Variants in SLC7A4 observed in about 807,000 individuals in gnomAD.
The protein encoded by SLC7A4 is solute carrier family 7 member 4.
A neutral mutation model predicts 37.8 loss-of-function variants in SLC7A4; 30 were observed. That is an observed-to-expected ratio of 0.79 (90% confidence interval 0.59 to 1.08). SLC7A4 has a LOEUF of 1.08. SLC7A4 is among the 50% of genes least tolerant of loss of function. The pLI, the probability that SLC7A4 is intolerant of heterozygous loss-of-function variation, is 0.00. For missense variants in SLC7A4, 839 were observed against 843.2 expected (o/e 1.00, Z 0.06); for synonymous variants, 359 against 376.5 (o/e 0.95, Z 0.54).
Position 21,028,937 on chromosome 22 carries a change from C to T in SLC7A4, c.*118G>A. ...AAGGTCCTAAGGTCCTGAGGACTCCCCAGCCTGTGCAGGCCTGCAAACCCA... is the reference window on the plus strand; with the variant it reads ...AAGGTCCTAAGGTCCTGAGGACTCCTCAGCCTGTGCAGGCCTGCAAACCCA... On this transcript the variant is annotated 3_prime_UTR_variant, in exon 5 of 5. Coordinates refer to ENST00000382932, the MANE Select transcript of SLC7A4 (RefSeq NM_004173.3). 2 of 1,111,602 alleles carry T rather than the reference C, an allele frequency of 1.8e-6. No individual in the cohort carries two copies. The highest frequency in any genetic ancestry group is 1.6e-5 in the South Asian group (1 of 61,574). The allele number at this position is 1,111,602 out of a possible 1,614,324, so 68.9% of individuals were successfully genotyped here. A position where few individuals can be genotyped will look rare whatever the true frequency, so the allele number is the denominator to read the frequency against.
rs375743239 is a variant in SLC7A4 at position 21,029,214 on chromosome 22, G to A, written c.1749C>T (p.Phe583=). 3.7e-5 allele frequency: 60 copies of A among 1,613,664 alleles called. No homozygotes were observed. The highest frequency in any genetic ancestry group is 1.6e-4 in the Middle Eastern group (1 of 6,082). Residue 583 remains phenylalanine (F), a synonymous_variant, in exon 5 of 5, where the codon TTC becomes TTT. Transcript: ENST00000382932. ...IWLLMGLAVY[F]GYGIRHSKEN... is the part of the protein sequence containing the mutation. ...CCTTGCTATGCCGGATGCCATAGCC[G>A]AAATACACTGCAAGTCCTAGACAGG...
rs1250517529 is a variant in SLC7A4 at position 21,029,203 on chromosome 22, A to G, written c.1760T>C (p.Ile587Thr). The part of the protein sequence containing the change: ...MGLAVYFGYG[I>T]RHSKENQREL... ...CCGCTGGTTCTCCTTGCTATGCCGG[A>G]TGCCATAGCCGAAATACACTGCAAG... Residue 587 changes from isoleucine (I) to threonine (T), a missense_variant, in exon 5 of 5, where the codon ATC becomes ACC. Ile to Thr is a moderately conservative substitution (Grantham distance 89). Coordinates refer to ENST00000382932, the MANE Select transcript of SLC7A4 (RefSeq NM_004173.3). 1.2e-6 allele frequency: 2 copies of G among 1,613,782 alleles called. No homozygotes were observed. Among genetic ancestry groups the G allele is most frequent in the Admixed American group, 1.7e-5 (1 of 59,998 alleles).
rs774811520 is a variant in SLC7A4, at chr22:21,030,322, AGAG to A, written c.1009_1011del (p.Leu337del). The A allele has an allele frequency of 1.2e-6, 2 of 1,610,904 alleles. No homozygotes were observed. Among genetic ancestry groups the A allele is most frequent in the Non-Finnish European group, 1.7e-6 (2 of 1,178,130 alleles). ...GCATAGACAATGCGTGGCAGGGAGAAGAGGAGGCTGAGCAGGACGGTGTTCATG... is the reference window on the plus strand; with the variant it reads ...GCATAGACAATGCGTGGCAGGGAGAAGAGGCTGAGCAGGACGGTGTTCATG... On this transcript the variant is annotated inframe_deletion, in exon 3 of 5. Transcript: ENST00000382932.
chr22:21,030,759 T>C, intron 2 of SLC7A4, 72 bp downstream of exon 2: 1 of 1,480,602 alleles, frequency 6.8e-7, no homozygotes, highest in Non-Finnish European at 9.0e-7. Context: ...TGAAGGTGCA[T>C]TCCCCAAGAA....
Position 21,031,137 on chromosome 22 carries a change from C to T in SLC7A4, c.676G>A (p.Glu226Lys), listed in dbSNP as rs762786187. 1.3e-5 allele frequency: 21 copies of T among 1,613,382 alleles called. No homozygotes were observed. Among genetic ancestry groups the T allele is most frequent in the Non-Finnish European group, 1.8e-5 (21 of 1,179,728 alleles). ...LAQPHNWSADEGGFAPFGFSG... is the reference protein window; with the variant it reads ...LAQPHNWSADKGGFAPFGFSG... Reference sequence around the variant, plus strand: ...AAGCCGAAGGGTGCAAAGCCGCCTTCGTCAGCGCTCCAGTTGTGAGGCTGG... The same window carrying T: ...AAGCCGAAGGGTGCAAAGCCGCCTTTGTCAGCGCTCCAGTTGTGAGGCTGG... The change falls in exon 2 of 5, where the codon GAA becomes AAA. Residue 226 changes from glutamate to lysine, a missense_variant. Transcript: ENST00000382932.
At chr22:21,032,331 A>T (rs890325710) in intron 1 of SLC7A4, among the ~76,000 whole-genome samples, 200 bp downstream of exon 1, 5 of 152,000 alleles carry the variant, frequency 3.3e-5, no homozygotes, top group Non-Finnish European at 7.4e-5. Context: ...CCGCCCCTGC[A>T]CCCGTGGCCA....
rs752432614 is a variant in SLC7A4, at chr22:21,029,199, C to A, written c.1764G>T (p.Arg588=). 2 of 1,613,886 alleles carry A rather than the reference C, an allele frequency of 1.2e-6. No homozygotes were observed. Among genetic ancestry groups the A allele is most frequent in the Non-Finnish European group, 1.7e-6 (2 of 1,179,972 alleles). The change falls in exon 5 of 5, where the codon CGG becomes CGT. Residue 588 remains arginine (R), a synonymous_variant. Transcript: ENST00000382932. ...GCTCCCGCTGGTTCTCCTTGCTATG[C>A]CGGATGCCATAGCCGAAATACACTG... ...GLAVYFGYGI[R]HSKENQRELP... is the part of the protein sequence containing the mutation.
In SLC7A4 at chr22:21,030,829, A is replaced by G. The variant is rs1284471069; in HGVS notation, c.982+2T>C. 22 of 1,568,140 alleles carry G rather than the reference A, an allele frequency of 1.4e-5. No individual in the cohort carries two copies. The highest frequency in any genetic ancestry group is 1.6e-5 in the Non-Finnish European group (19 of 1,157,580). ...CCACCCTGCCCAGGAAGAGTCTCTC[A>G]CCGCAGATGGAGCCAGCTGCCACGA... On this transcript the variant is annotated splice_donor_variant, in intron 2 of 4. Coordinates refer to ENST00000382932, the MANE Select transcript of SLC7A4 (RefSeq NM_004173.3). LOFTEE classifies it high-confidence loss of function.
In SLC7A4 at chr22:21,031,389, C is replaced by T. The variant is rs372692590; in HGVS notation, c.424G>A (p.Asp142Asn). The change falls in exon 2 of 5, where the codon GAC (aspartate) becomes AAC (asparagine). Residue 142 changes from aspartate (D) to asparagine (N), a missense_variant. Asp to Asn is a conservative substitution (Grantham distance 23). Transcript: ENST00000382932. ...CGGATGCTGTGGCTGAACATAGAGT[C>T]CAGGTAGCCACTCCAGGCACGGGCC... ...AVARAWSGYL[D>N]SMFSHSIRNF... The T allele has an allele frequency of 1.2e-6, 2 of 1,609,932 alleles. No homozygotes were observed. The highest frequency in any genetic ancestry group is 1.7e-6 in the Non-Finnish European group (2 of 1,178,590).
Position 21,030,040 on chromosome 22 carries a change from T to A in SLC7A4, c.1294A>T (p.Thr432Ser), listed in dbSNP as rs907094114. The part of the protein sequence containing the change: ...SPGPASPGPL[T>S]KQQSSFSDHL... ...TCTGAGAAGGAGCTCTGCTGCTTGG[T>A]CAGGGGGCCAGGGCTGGCTGGGCCT... The change falls in exon 3 of 5, where the codon ACC becomes TCC. Residue 432 changes from threonine (T) to serine (S), a missense_variant. Physicochemically the swap from Thr to Ser is moderately conservative, Grantham distance 58. Coordinates refer to ENST00000382932, the MANE Select transcript of SLC7A4 (RefSeq NM_004173.3). 5.6e-6 allele frequency: 9 copies of A among 1,612,740 alleles called. No homozygotes were observed. In the African/African-American group the frequency reaches 9.4e-5, roughly 17 times the overall value.
Position 21,029,845 on chromosome 22 carries a change from C to G in SLC7A4, c.1489G>C (p.Val497Leu), listed in dbSNP as rs371746371. ...ASAITIGCVLVFGNSTLHLPH... is the reference protein window; with the variant it reads ...ASAITIGCVLLFGNSTLHLPH... ...AGGTGCAGGGTCGAGTTCCCAAAGA[C>G]AAGCACGCAGCCTATGGTGATGGCT... The change falls in exon 3 of 5, where the codon GTC becomes CTC. Residue 497 changes from valine to leucine, a missense_variant. Transcript: ENST00000382932. 3 of 1,613,692 alleles carry G rather than the reference C, an allele frequency of 1.9e-6. No homozygotes were observed. Among genetic ancestry groups the G allele is most frequent in the Admixed American group, 1.7e-5 (1 of 60,004 alleles).
At chr22:21,030,712 C>T in intron 2 of SLC7A4, 119 bp downstream of exon 2, 2 of 1,237,240 alleles carry the variant, frequency 1.6e-6, no homozygotes, top group East Asian at 2.5e-5. Context: ...TTAGCACTTT[C>T]CTTGCCCCAT....
At position 21,031,480 on chromosome 22, in the gene SLC7A4, G is replaced by A. The variant is rs144430724; in HGVS notation, c.333C>T (p.Gly111=). 4.2e-4 allele frequency: 677 copies of A among 1,606,690 alleles called. 4 individuals are homozygous for A. In the African/African-American group the frequency reaches 8.0e-3, roughly 19 times the overall value. ...SAYLFTYVSM[G]ELWAFLIGWN... is the part of the protein sequence containing the mutation. The stretch of plus-strand genomic sequence containing the variant: ...AGCCGATGAGGAAGGCCCACAGCTC[G>A]CCCATGGATACGTAGGTGAACAGGT... The change falls in exon 2 of 5, where the codon GGC becomes GGT. Residue 111 remains glycine, a synonymous_variant. Coordinates refer to ENST00000382932, the MANE Select transcript of SLC7A4 (RefSeq NM_004173.3).
chr22:21,030,109 T>A lies in SLC7A4; in HGVS notation c.1225A>T (p.Ile409Phe). Residue 409 changes from isoleucine to phenylalanine, a missense_variant, in exon 3 of 5, where the codon ATC becomes TTC. Physicochemically the swap from Ile to Phe is conservative, Grantham distance 21. Transcript: ENST00000382932. ...LLAYTFVATSIIVLRFQKSSP... is the reference protein window; with the variant it reads ...LLAYTFVATSFIVLRFQKSSP... ...GACTTCTGGAAGCGCAGCACAATGATACTGGTGGCCACGAATGTGTAGGCC... is the reference window on the plus strand; with the variant it reads ...GACTTCTGGAAGCGCAGCACAATGAAACTGGTGGCCACGAATGTGTAGGCC... The A allele has an allele frequency of 6.2e-7, 1 of 1,613,224 alleles. No individual in the cohort carries two copies. Among genetic ancestry groups the A allele is most frequent in the Non-Finnish European group, 8.5e-7 (1 of 1,179,676 alleles).
rs2058688526 is a variant in SLC7A4, at chr22:21,028,870, C to G, written c.*185G>C. The stretch of plus-strand genomic sequence containing the variant: ...GCAGAGTCCATGGCACCAGCACCAG[C>G]CAAGGCCCACTCCTGAAGACCCGAA... On this transcript the variant is annotated 3_prime_UTR_variant, in exon 5 of 5. Transcript: ENST00000382932. 1 of 581,824 alleles carries G rather than the reference C, an allele frequency of 1.7e-6. No individual in the cohort carries two copies. Among genetic ancestry groups the G allele is most frequent in the Non-Finnish European group, 3.0e-6 (1 of 334,140 alleles). The allele number at this position is 581,824 out of a possible 1,614,324, so 36.0% of individuals were successfully genotyped here. A position where few individuals can be genotyped will look rare whatever the true frequency, so the allele number is the denominator to read the frequency against.
rs766242077 is a variant in SLC7A4, at chr22:21,030,130, A to G, written c.1204T>C (p.Tyr402His). 1.6e-5 allele frequency: 26 copies of G among 1,613,610 alleles called. No individual in the cohort carries two copies. Among genetic ancestry groups the G allele is most frequent in the Non-Finnish European group, 1.9e-5 (23 of 1,179,882 alleles). Residue 402 changes from tyrosine to histidine, a missense_variant, in exon 3 of 5, where the codon TAC becomes CAC. Coordinates refer to ENST00000382932, the MANE Select transcript of SLC7A4 (RefSeq NM_004173.3). ...QFLSLGTLLAYTFVATSIIVL... is the reference protein window; with the variant it reads ...QFLSLGTLLAHTFVATSIIVL... ...ATGATACTGGTGGCCACGAATGTGT[A>G]GGCCAGGAGTGTGCCAAGGGACAGG...
In SLC7A4 at chr22:21,031,845, ACT is replaced by A; in HGVS notation, c.-35_-34del. The A allele has an allele frequency of 6.8e-7, 1 of 1,470,196 alleles. No individual in the cohort carries two copies. The highest frequency in any genetic ancestry group is 2.4e-5 in the East Asian group (1 of 42,012). The allele number at this position is 1,470,196 out of a possible 1,614,324, so 91.1% of individuals were successfully genotyped here. A position where few individuals can be genotyped will look rare whatever the true frequency, so the allele number is the denominator to read the frequency against. ...GGCCGAGAAGAGCACCGAGCCAGCT[ACT>A]GGAACCTGCTAGGGCCAGAGGGGAA... On this transcript the variant is annotated 5_prime_UTR_variant, in exon 2 of 5. Transcript: ENST00000382932.
chr22:21,029,998 C>T lies in SLC7A4; in HGVS notation c.1336G>A (p.Gly446Ser). ...SSFSDHLQLV[G>S]TVHASVPEPG... ...TCAGGGACGGAGGCGTGTACAGTGC[C>T]CACCAGCTGTAGGTGGTCTGAGAAG... Residue 446 changes from glycine (G) to serine (S), a missense_variant, in exon 3 of 5, where the codon GGC becomes AGC. By Grantham distance (56) the Gly-to-Ser change is moderately conservative (BLOSUM62 0). Coordinates refer to ENST00000382932, the MANE Select transcript of SLC7A4 (RefSeq NM_004173.3). 1.2e-6 allele frequency: 2 copies of T among 1,613,806 alleles called. No homozygotes were observed.
rs753503846 is a variant in SLC7A4 at position 21,031,313 on chromosome 22, T to C, written c.500A>G (p.His167Arg). ...VGSWQVPLLG[H>R]YPDFLAAGII... Reference sequence around the variant, plus strand: ...GCCAGCAGCCAGGAAGTCCGGGTAGTGGCCCAGGAGGGGCACCTGCCAAGA... The same window carrying C: ...GCCAGCAGCCAGGAAGTCCGGGTAGCGGCCCAGGAGGGGCACCTGCCAAGA... The change falls in exon 2 of 5, where the codon CAC (histidine) becomes CGC (arginine). Residue 167 changes from histidine to arginine, a missense_variant. Coordinates refer to ENST00000382932, the MANE Select transcript of SLC7A4 (RefSeq NM_004173.3). 1 of 1,609,528 alleles carries C rather than the reference T, an allele frequency of 6.2e-7. No individual in the cohort carries two copies. The highest frequency in any genetic ancestry group is 8.5e-7 in the Non-Finnish European group (1 of 1,177,970).
Sources: gnomAD v4.1 joint callset for allele counts (sites outside exome capture counted in the v4.1 genomes callset) on GRCh38, gnomAD v4.1.1 for gene constraint, MANE v1.5 for transcripts, NCBI Gene and HGNC (gene_info 2026-07-23, HGNC 2026-07-21) for gene names.